NSUN2: variants seen among roughly 807,000 people sequenced by gnomAD.
The protein encoded by NSUN2 is NOP2/Sun RNA methyltransferase 2, also known as RNA cytosine C(5)-methyltransferase NSUN2.
A neutral mutation model predicts 92.7 loss-of-function variants in NSUN2; 63 were observed. That is an observed-to-expected ratio of 0.68 (90% CI 0.56 to 0.84). NSUN2 has a LOEUF of 0.84. NSUN2 is among the 40% of genes least tolerant of loss of function. The pLI, the probability that NSUN2 is intolerant of heterozygous loss-of-function variation, is 0.00. For missense variants in NSUN2, 989 were observed against 964.9 expected (o/e 1.02, Z -0.33); for synonymous variants, 356 against 348.3 (o/e 1.02, Z -0.25).
At chr5:6,601,978 G>C (rs1736574683) in intron 18 of NSUN2, among the ~76,000 whole-genome samples, 1 of 152,182 alleles carries the variant, frequency 6.6e-6, no homozygotes, top group Non-Finnish European at 1.5e-5. Flanking sequence ...CAAGGATGCA[G>C]CGTGAATACA....
At chr5:6,631,821 TAG>T in intron 3 of NSUN2, 50 bp downstream of exon 3, 1 of 1,278,652 alleles carries the variant, frequency 7.8e-7, no homozygotes, top group Non-Finnish European at 1.1e-6. Context: ...ATTCAAGTGA[TAG>T]AGATTAATAT....
chr5:6,604,452 G>T (rs1486712699), intron 16 of NSUN2, among the ~76,000 whole-genome samples, 153 bp downstream of exon 16: 1 of 152,080 alleles, frequency 6.6e-6, no homozygotes, highest in African/African-American at 2.4e-5. Context: ...CAGCACTCTG[G>T]GAGAGCTCTA....
Position 6,620,254 on chromosome 5 carries a change from G to A in NSUN2, c.667C>T (p.Leu223=), listed in dbSNP as rs757734986. The A allele has an allele frequency of 2.5e-6, 4 of 1,608,534 alleles. No individual in the cohort carries two copies. Among genetic ancestry groups the A allele is most frequent in the Admixed American group, 1.7e-5 (1 of 58,672 alleles). ...ANDVDNKRCY[L]LVHQAKRLSS... is the part of the protein sequence containing the mutation. ...AGCCTCTTGGCTTGATGGACGAGCA[G>A]GTAGCAGCGCTTGTTGTCCACATCA... Residue 223 remains leucine, a synonymous_variant, in exon 7 of 19, where the codon CTG becomes TTG. Coordinates refer to ENST00000264670, the MANE Select transcript of NSUN2 (RefSeq NM_017755.6).
At chr5:6,621,859 G>A in intron 6 of NSUN2, 157 bp downstream of exon 6, 1 of 613,754 alleles carries the variant, frequency 1.6e-6, no homozygotes, top group South Asian at 2.0e-5. Context: ...ACGGTGGTAG[G>A]CAAGATGTCC....
chr5:6,622,783 G>A (rs1378877226), intron 5 of NSUN2, among the ~76,000 whole-genome samples: 1 of 149,812 alleles, frequency 6.7e-6, no homozygotes, highest in Admixed American at 6.7e-5. Flanking sequence ...GGAGGCGGAG[G>A]TTGCAGTGAG....
At chr5:6,629,950 G>A (rs1385614374) in intron 3 of NSUN2, among the ~76,000 whole-genome samples, 3 of 152,302 alleles carry the variant, frequency 2.0e-5, no homozygotes, top group Non-Finnish European at 4.4e-5. Context: ...AGTCAATTAA[G>A]CCTATTTCCT....
At chr5:6,602,549 G>A in intron 17 of NSUN2, 49 bp from the exon 18 acceptor site, 1 of 1,553,152 alleles carries the variant, frequency 6.4e-7, no homozygotes, top group Non-Finnish European at 8.9e-7. Flanking sequence ...GGTAGTGGAT[G>A]CATGCGCTGA....
At chr5:6,630,616 T>C (rs1186155489) in intron 3 of NSUN2, among the ~76,000 whole-genome samples, 1 of 152,212 alleles carries the variant, frequency 6.6e-6, no homozygotes, top group Non-Finnish European at 1.5e-5. Flanking sequence ...GCATTCATTG[T>C]GAATGTATAT....
intron 14 of NSUN2, 98 bp from the exon 15 acceptor site, chr5:6,605,506 A>C: frequency 1.5e-6 from 2 of 1,333,142 alleles, no homozygotes; most frequent in East Asian, 2.3e-5. Flanking sequence ...TCAATCCCCA[A>C]AACTGCAGTG....
chr5:6,606,738 A>T, intron 14 of NSUN2, 82 bp downstream of exon 14: 1 of 747,962 alleles, frequency 1.3e-6, no homozygotes, highest in Non-Finnish European at 2.2e-6. Context: ...ATACAAAACA[A>T]TGGTTACATG....
chr5:6,617,932 T>G lies in NSUN2; in HGVS notation c.890+18A>C. ...TCTACTTGTCACACAGTGTTAGCAG[T>G]GATGAAGTTTTACTTACCCATGTAG... On this transcript the variant is annotated intron_variant, in intron 8 of 18. Coordinates refer to ENST00000264670, the MANE Select transcript of NSUN2 (RefSeq NM_017755.6). The G allele has an allele frequency of 6.3e-7, 1 of 1,588,036 alleles. No homozygotes were observed.
intron 3 of NSUN2, among the ~76,000 whole-genome samples, chr5:6,628,970 A>G (rs1367734652): frequency 2.0e-5 from 3 of 152,220 alleles, no homozygotes; most frequent in Non-Finnish European, 4.4e-5. Context: ...ACTTGAGCCT[A>G]GGAGGTCAAG....
chr5:6,618,432 C>T (rs1049454671), intron 7 of NSUN2, among the ~76,000 whole-genome samples: 1 of 152,110 alleles, frequency 6.6e-6, no homozygotes, highest in African/African-American at 2.4e-5. Flanking sequence ...AAATTTTCCA[C>T]AGTTAAGCTA....
chr5:6,607,528 T>C (rs183969315), intron 12 of NSUN2, 144 bp from the exon 13 acceptor site: 150 of 711,114 alleles, frequency 2.1e-4, no homozygotes, highest in Admixed American at 7.3e-4. Context: ...AGAATTTTTT[T>C]AAAGTGTCAT....
At chr5:6,632,319 G>A (rs867610140) in intron 2 of NSUN2, among the ~76,000 whole-genome samples, 1 of 152,130 alleles carries the variant, frequency 6.6e-6, no homozygotes, top group Admixed American at 6.5e-5. Flanking sequence ...ATTCTCTTAC[G>A]TTCCAAAAGG....
chr5:6,620,494 C>T, intron 6 of NSUN2, 196 bp from the exon 7 acceptor site: 2 of 414,510 alleles, frequency 4.8e-6, no homozygotes, highest in Non-Finnish European at 8.5e-6. Context: ...TTTATGGACA[C>T]TCGAATTTTG....
At chr5:6,607,498 T>A in intron 12 of NSUN2, 114 bp from the exon 13 acceptor site, 1 of 894,906 alleles carries the variant, frequency 1.1e-6, no homozygotes, top group Non-Finnish European at 1.7e-6. Flanking sequence ...TCTACAGCAT[T>A]ATATGTAGAG....
At chr5:6,606,369 C>T (rs911380968) in intron 14 of NSUN2, among the ~76,000 whole-genome samples, 3 of 152,144 alleles carry the variant, frequency 2.0e-5, no homozygotes, top group African/African-American at 7.2e-5. Flanking sequence ...CTGCAAGCTC[C>T]ACCTCCCAGG....
At chr5:6,605,030 AC>A in intron 15 of NSUN2, 2 of 605,058 alleles carry the variant, frequency 3.3e-6, no homozygotes, top group Non-Finnish European at 5.8e-6. Context: ...ACCATGGCTC[AC>A]CCCCCTGCGG....
Sources: allele counts gnomAD v4.1 joint callset (sites outside exome capture counted in the v4.1 genomes callset), GRCh38; gene constraint gnomAD v4.1.1; transcripts MANE v1.5; gene names NCBI Gene and HGNC (gene_info 2026-07-23, HGNC 2026-07-21).